CNTN4: variants seen among roughly 807,000 people sequenced by gnomAD.
The protein encoded by CNTN4 is contactin 4.
Under a neutral mutation model 122.5 loss-of-function variants are expected in CNTN4, and 77 were observed. That is an observed-to-expected ratio of 0.63 (90% CI 0.52 to 0.76). The LOEUF is 0.76. Among genes scored for constraint, CNTN4 ranks in the 30% least tolerant of loss-of-function variants. The pLI, the probability that CNTN4 is intolerant of heterozygous loss-of-function variation, is 0.00. For missense variants in CNTN4, 1,256 were observed against 1,259.1 expected, an observed-to-expected ratio of 1.00 and a Z score of 0.04; for synonymous variants, 512 against 447.0, an observed-to-expected ratio of 1.15 and a Z score of -1.83.
At chr3:2,533,873 T>G (rs1379964793) in intron 3 of CNTN4, among the ~76,000 whole-genome samples, 5 of 152,216 alleles carry the variant, frequency 3.3e-5, no homozygotes, top group Non-Finnish European at 7.3e-5. Context: ...ATGATGAGCA[T>G]TTTTTCATGT....
chr3:2,888,226 G>A (rs529283832), intron 10 of CNTN4, among the ~76,000 whole-genome samples: 1 of 152,112 alleles, frequency 6.6e-6, no homozygotes, highest in African/African-American at 2.4e-5. Context: ...GCTAAGGGGG[G>A]GCCCAGAGTA....
At chr3:2,705,591 A>T (rs1184815443) in intron 4 of CNTN4, among the ~76,000 whole-genome samples, 3 of 5,146 alleles carry the variant, frequency 5.8e-4, no homozygotes, top group Non-Finnish European at 1.0e-3. Flanking sequence ...ATATATATAA[A>T]ATTTATATAA....
intron 2 of CNTN4, among the ~76,000 whole-genome samples, chr3:2,328,946 T>A (rs1164428390): frequency 2.0e-5 from 3 of 152,138 alleles, no homozygotes; most frequent in Non-Finnish European, 4.4e-5. Context: ...CTGCTTACCA[T>A]CTCTAATGTT....
intron 2 of CNTN4, among the ~76,000 whole-genome samples, chr3:2,205,996 G>T (rs965405743): frequency 1.3e-5 from 2 of 152,072 alleles, no homozygotes; most frequent in Non-Finnish European, 2.9e-5. Context: ...ATACTCGGAA[G>T]GGTATTCCAG....
intron 14 of CNTN4, among the ~76,000 whole-genome samples, chr3:3,010,518 T>A (rs895231672): frequency 6.6e-6 from 1 of 151,594 alleles, no homozygotes; most frequent in African/African-American, 2.4e-5. Flanking sequence ...TTTTAGAAGG[T>A]TCCTAGGACT....
At chr3:2,816,679 G>C (rs993543630) in intron 6 of CNTN4, among the ~76,000 whole-genome samples, 2 of 151,456 alleles carry the variant, frequency 1.3e-5, no homozygotes, top group South Asian at 4.2e-4. Flanking sequence ...AAATTAGCTG[G>C]GCGTGGTGGT....
chr3:2,877,546 AG>A (rs1459690866), intron 8 of CNTN4, among the ~76,000 whole-genome samples: 1 of 152,220 alleles, frequency 6.6e-6, no homozygotes, highest in Non-Finnish European at 1.5e-5. Flanking sequence ...ATAGCAGAAA[AG>A]TATGGCTGAG....
At chr3:2,962,287 G>A (rs1430735463) in intron 13 of CNTN4, among the ~76,000 whole-genome samples, 6 of 152,188 alleles carry the variant, frequency 3.9e-5, no homozygotes, top group Non-Finnish European at 8.8e-5. Context: ...GACGCCTGGT[G>A]CAGCACAGGA....
At chr3:2,555,561 GTTA>G (rs2078685466) in intron 3 of CNTN4, among the ~76,000 whole-genome samples, 1 of 152,146 alleles carries the variant, frequency 6.6e-6, no homozygotes. Flanking sequence ...GTACTAAACT[GTTA>G]TTATGAAATC....
chr3:2,760,736 T>A (rs1295957389), intron 6 of CNTN4, among the ~76,000 whole-genome samples: 3 of 152,192 alleles, frequency 2.0e-5, no homozygotes, highest in Non-Finnish European at 4.4e-5. Flanking sequence ...AATATAAAAT[T>A]CAATATCAAT....
chr3:2,805,628 T>A (rs1051304072), intron 6 of CNTN4, among the ~76,000 whole-genome samples: 2 of 152,148 alleles, frequency 1.3e-5, no homozygotes, highest in Non-Finnish European at 2.9e-5. Context: ...AGGCTGTACC[T>A]TGGCACTGTC....
At chr3:2,787,793 GT>G (rs10538575) in intron 6 of CNTN4, among the ~76,000 whole-genome samples, 68,626 of 138,222 alleles carry the variant, frequency 0.5, 15,880 homozygotes, top group South Asian at 0.58. Context: ...GTGGGTTTTT[GT>G]TTTTTTTTTT....
chr3:2,945,333 T>C (rs1268774612), intron 13 of CNTN4, among the ~76,000 whole-genome samples: 1 of 152,190 alleles, frequency 6.6e-6, no homozygotes, highest in Non-Finnish European at 1.5e-5. Context: ...AAGCATAAGT[T>C]GTAATTGATT....
At chr3:2,875,243 A>G (rs991899892) in intron 8 of CNTN4, among the ~76,000 whole-genome samples, 3 of 152,112 alleles carry the variant, frequency 2.0e-5, no homozygotes, top group African/African-American at 7.2e-5. Flanking sequence ...TCGGCCTCCC[A>G]AACTGCTGGG....
chr3:2,488,947 A>AT (rs2076238400), intron 3 of CNTN4, among the ~76,000 whole-genome samples: 1 of 152,246 alleles, frequency 6.6e-6, no homozygotes, highest in Non-Finnish European at 1.5e-5. Context: ...ATAAAAAGGA[A>AT]TGATAAATAA....
At chr3:2,626,531 A>G (rs2082197733) in intron 4 of CNTN4, among the ~76,000 whole-genome samples, 2 of 151,918 alleles carry the variant, frequency 1.3e-5, no homozygotes, top group Non-Finnish European at 2.9e-5. Flanking sequence ...CAAAATCCAC[A>G]ATCTATTTTT....
At chr3:2,536,587 A>T (rs1007578453) in intron 3 of CNTN4, among the ~76,000 whole-genome samples, 5 of 141,094 alleles carry the variant, frequency 3.5e-5, no homozygotes, top group South Asian at 4.5e-4. Context: ...TTTTTAAATA[A>T]TTTTTTTTTT....
intron 2 of CNTN4, among the ~76,000 whole-genome samples, chr3:2,180,126 G>T (rs148203961): frequency 4.5e-4 from 69 of 151,874 alleles, no homozygotes; most frequent in African/African-American, 1.6e-3. Flanking sequence ...TTAATAGTTA[G>T]CTCTCTGATT....
At chr3:2,420,245 C>T (rs1186469510) in intron 3 of CNTN4, among the ~76,000 whole-genome samples, 1 of 152,082 alleles carries the variant, frequency 6.6e-6, no homozygotes, top group Non-Finnish European at 1.5e-5. Flanking sequence ...CTTATATGCA[C>T]AAGTGAGCTT....
Sources: gnomAD v4.1 joint callset for allele counts (sites outside exome capture counted in the v4.1 genomes callset) on GRCh38, gnomAD v4.1.1 for gene constraint, MANE v1.5 for transcripts, NCBI Gene and HGNC (gene_info 2026-07-23, HGNC 2026-07-21) for gene names.